KCNIP1: variants seen among roughly 807,000 people sequenced by gnomAD.
KCNIP1 encodes potassium voltage-gated channel interacting protein 1, also known as A-type potassium channel modulatory protein KCNIP1.
In KCNIP1, 18 loss-of-function variants were observed where a neutral mutation model predicts 33.0. The ratio of observed to expected loss-of-function variants is 0.55; its 90% CI spans 0.38 to 0.81. The LOEUF is 0.81. Among genes scored for constraint, KCNIP1 ranks in the 30% least tolerant of loss-of-function variants. The probability of loss-of-function intolerance (pLI) is 0.00; values close to 1 mark genes in which losing one functional copy is unlikely to be tolerated. For missense variants in KCNIP1, 238 were observed against 271.6 expected (o/e 0.88, Z 0.87); for synonymous variants, 93 against 98.3 (o/e 0.95, Z 0.32).
chr5:170,732,521 C>T (rs186716663), intron 5 of KCNIP1, among the ~76,000 whole-genome samples: 27 of 152,198 alleles, frequency 1.8e-4, no homozygotes, highest in Non-Finnish European at 2.9e-4. Context: ...GAATGGGGAT[C>T]CCACAAATCA....
chr5:170,490,066 A>C (rs1189583606), intron 1 of KCNIP1, among the ~76,000 whole-genome samples: 1 of 152,240 alleles, frequency 6.6e-6, no homozygotes, highest in African/African-American at 2.4e-5. Flanking sequence ...AGGTGGGGGC[A>C]ACAGGTTCTC....
chr5:170,458,329 A>C (rs1023497154), intron 1 of KCNIP1, among the ~76,000 whole-genome samples: 1 of 152,216 alleles, frequency 6.6e-6, no homozygotes, highest in Non-Finnish European at 1.5e-5. Flanking sequence ...AGACATCCAA[A>C]TACAAGAGGC....
At chr5:170,362,307 T>TC (rs1193127774) in intron 1 of KCNIP1, among the ~76,000 whole-genome samples, 5 of 151,886 alleles carry the variant, frequency 3.3e-5, no homozygotes, top group Non-Finnish European at 7.4e-5. Flanking sequence ...CCCCAGCCCA[T>TC]CCCCAGTACA....
intron 1 of KCNIP1, among the ~76,000 whole-genome samples, chr5:170,567,900 C>T (rs896614332): frequency 6.6e-6 from 1 of 152,184 alleles, no homozygotes; most frequent in African/African-American, 2.4e-5. Flanking sequence ...AAAGAGCTGC[C>T]CTGGGCCCAG....
In KCNIP1 at chr5:170,390,513, AACAAAT is replaced by A. The variant is rs1197425462; in HGVS notation, c.88+36551_88+36556del. Among the ~76,000 whole-genome samples, 45 of 28,846 alleles carry A rather than the reference AACAAAT, an allele frequency of 1.6e-3. 1 individual carries two copies. Among genetic ancestry groups the A allele is most frequent in the South Asian group, 2.2e-3 (2 of 914 alleles). 18.9% of individuals were successfully genotyped at this position (28,846 alleles called of 152,430 possible). On this transcript the variant is annotated intron_variant, in intron 1 of 7. Coordinates refer to the KCNIP1 transcript ENST00000377360. ...GCGAGACCCCGTCTCAAAAAAAAAA[AACAAAT>A]ATATATATATATATATATATTTTCA...
chr5:170,426,485 G>C (rs1755617866), intron 1 of KCNIP1, among the ~76,000 whole-genome samples: 1 of 152,170 alleles, frequency 6.6e-6, no homozygotes, highest in Non-Finnish European at 1.5e-5. Flanking sequence ...AAAGTCACAG[G>C]GATAAATCCT....
At chr5:170,525,731 G>A (rs879863403) in intron 1 of KCNIP1, among the ~76,000 whole-genome samples, 2 of 152,232 alleles carry the variant, frequency 1.3e-5, no homozygotes, top group African/African-American at 2.4e-5. Flanking sequence ...ATCTTCTCCT[G>A]GAGTGGGAGT....
intron 1 of KCNIP1, among the ~76,000 whole-genome samples, chr5:170,555,363 C>T (rs1175827964): frequency 6.6e-6 from 1 of 152,162 alleles, no homozygotes; most frequent in Non-Finnish European, 1.5e-5. Flanking sequence ...CCTCCAGGAG[C>T]CAGCATGAAT....
chr5:170,722,534 G>C (rs1292580014), intron 4 of KCNIP1, among the ~76,000 whole-genome samples, 179 bp from the exon 5 acceptor site: 1 of 152,012 alleles, frequency 6.6e-6, no homozygotes, highest in East Asian at 1.9e-4. Context: ...CAAAAAAATG[G>C]GGCAGGGTAG....
chr5:170,678,950 C>T (rs1359588501), intron 1 of KCNIP1: 1 of 152,304 alleles, frequency 6.6e-6, no homozygotes, highest in African/African-American at 2.4e-5. Flanking sequence ...AGTCTTCCTG[C>T]TTCTAATTTA....
chr5:170,599,883 G>A lies in KCNIP1; in HGVS notation c.61+95250G>A, dbSNP rs186683654. On this transcript the variant is annotated intron_variant, in intron 1 of 7. Transcript: ENST00000328939. The stretch of plus-strand genomic sequence containing the variant: ...AAAATATATTCTACACAGCACTTCC[G>A]TCCTTTTAAAGTGATTCACTCCCTT... 3.2e-3 allele frequency among the ~76,000 whole-genome samples: 495 copies of A among 152,312 alleles called. 2 individuals carry two copies. Among genetic ancestry groups the A allele is most frequent in the South Asian group, 0.027 (131 of 4,818 alleles).
chr5:170,535,664 C>T (rs1019041994), intron 1 of KCNIP1, among the ~76,000 whole-genome samples: 14 of 152,162 alleles, frequency 9.2e-5, no homozygotes, highest in African/African-American at 2.9e-4. Flanking sequence ...ATCCCAGCCC[C>T]CTTTGCTTCT....
At chr5:170,720,428 T>A (rs749994640) in intron 3 of KCNIP1, 38 bp downstream of exon 3, 2 of 1,503,324 alleles carry the variant, frequency 1.3e-6, no homozygotes, top group Non-Finnish European at 1.9e-6. Context: ...CCCAGCTCCC[T>A]CTCTGGTAAG....
chr5:170,401,911 T>C (rs1468902446), intron 1 of KCNIP1, among the ~76,000 whole-genome samples: 1 of 152,056 alleles, frequency 6.6e-6, no homozygotes, highest in Admixed American at 6.5e-5. Context: ...GCAACAGAAA[T>C]GTATTTCCTC....
At chr5:170,396,651 G>A (rs559108254) in intron 1 of KCNIP1, among the ~76,000 whole-genome samples, 45 of 152,338 alleles carry the variant, frequency 3.0e-4, no homozygotes, top group Admixed American at 1.5e-3. Flanking sequence ...TTCCTGAATA[G>A]CAATTGGTTG....
At chr5:170,696,263 G>A (rs150519867) in intron 1 of KCNIP1, among the ~76,000 whole-genome samples, 6 of 152,184 alleles carry the variant, frequency 3.9e-5, no homozygotes, top group African/African-American at 7.2e-5. Flanking sequence ...GCCAGTATTT[G>A]TTTATTGTGT....
chr5:170,565,035 G>A (rs772605120), intron 1 of KCNIP1, among the ~76,000 whole-genome samples: 1 of 152,012 alleles, frequency 6.6e-6, no homozygotes, highest in Non-Finnish European at 1.5e-5. Context: ...TAATGAAATG[G>A]CTGCGAGACC....
intron 1 of KCNIP1, among the ~76,000 whole-genome samples, chr5:170,354,290 A>T (rs1280597463): frequency 2.0e-5 from 3 of 152,190 alleles, no homozygotes; most frequent in African/African-American, 7.2e-5. Flanking sequence ...AGTTTCAAGA[A>T]GTTATCCATG....
At chr5:170,511,586 G>T (rs555947713) in intron 1 of KCNIP1, among the ~76,000 whole-genome samples, 8 of 152,302 alleles carry the variant, frequency 5.3e-5, no homozygotes, top group African/African-American at 1.2e-4. Flanking sequence ...CAGGTCACCC[G>T]CCAGGAAGGA....
Sources: gnomAD v4.1 joint callset for allele counts (sites outside exome capture counted in the v4.1 genomes callset) on GRCh38, gnomAD v4.1.1 for gene constraint, MANE v1.5 for transcripts, NCBI Gene and HGNC (gene_info 2026-07-23, HGNC 2026-07-21) for gene names.